STX2: variants seen among roughly 807,000 people sequenced by gnomAD.
STX2 encodes the protein syntaxin 2, also known as syntaxin-2.
Under a neutral mutation model 40.6 loss-of-function variants are expected in STX2, and 27 were observed. That is an observed-to-expected ratio of 0.66 (90% CI 0.49 to 0.92). The LOEUF is 0.92. Among genes scored for constraint, STX2 ranks in the 40% least tolerant of loss-of-function variants. The pLI, the probability that STX2 is intolerant of heterozygous loss-of-function variation, is 0.00. For synonymous variants in STX2, 123 were observed against 119.1 expected (o/e 1.03, Z -0.22); for missense variants, 328 against 366.1 (o/e 0.90, Z 0.85).
intron 2 of STX2, among the ~76,000 whole-genome samples, chr12:130,824,537 A>C (rs1180951780): frequency 6.6e-6 from 1 of 152,226 alleles, no homozygotes; most frequent in Non-Finnish European, 1.5e-5. Flanking sequence ...AGGAGACCGC[A>C]GGGCTATACA....
intron 3 of STX2, among the ~76,000 whole-genome samples, chr12:130,820,490 A>C (rs566361005): frequency 6.6e-6 from 1 of 152,264 alleles, no homozygotes; most frequent in East Asian, 1.9e-4. Flanking sequence ...ATATGGTGAA[A>C]TCCCATGTCT....
intron 9 of STX2, among the ~76,000 whole-genome samples, chr12:130,796,538 G>A (rs184950941): frequency 6.6e-6 from 1 of 152,286 alleles, no homozygotes; most frequent in Admixed American, 6.5e-5. Flanking sequence ...CACTTTAGAA[G>A]CTAAGTTACA....
chr12:130,796,354 C>T (rs1202885202), intron 9 of STX2, among the ~76,000 whole-genome samples: 1 of 152,002 alleles, frequency 6.6e-6, no homozygotes, highest in Non-Finnish European at 1.5e-5. Flanking sequence ...ACCAGCCGGG[C>T]GTGGGTCTGC....
At chr12:130,833,644 C>A (rs1952656090) in intron 1 of STX2, among the ~76,000 whole-genome samples, 1 of 152,144 alleles carries the variant, frequency 6.6e-6, no homozygotes, top group African/African-American at 2.4e-5. Context: ...CTCCTGACCT[C>A]AAGTGATCCT....
chr12:130,791,074 A>G lies in STX2; in HGVS notation c.*949T>C, dbSNP rs959893465. The G allele has an allele frequency of 3.3e-5, 5 of 152,298 alleles. No individual in the cohort carries two copies. The highest frequency in any genetic ancestry group is 5.9e-5 in the Non-Finnish European group (4 of 68,040). 9.4% of individuals were successfully genotyped at this position (152,298 alleles called of 1,614,324 possible). A position where few individuals can be genotyped will look rare whatever the true frequency, so the allele number is the denominator to read the frequency against. On this transcript the variant is annotated 3_prime_UTR_variant, in exon 11 of 11. Coordinates refer to ENST00000392373, the MANE Select transcript of STX2 (RefSeq NM_194356.4). ...GGGTACATTAAGATGCTAATAAATT[A>G]AACAATTTATAAACATTTAAAATTA...
intron 8 of STX2, among the ~76,000 whole-genome samples, chr12:130,800,406 T>C (rs1157150477): frequency 1.3e-5 from 2 of 150,556 alleles, no homozygotes; most frequent in Non-Finnish European, 3.0e-5. Context: ...GCATAAACAA[T>C]CCTCCCACCT....
At chr12:130,803,795 T>C (rs1207728287) in intron 6 of STX2, among the ~76,000 whole-genome samples, 2 of 152,010 alleles carry the variant, frequency 1.3e-5, no homozygotes, top group East Asian at 3.9e-4. Context: ...AAATGCAGTA[T>C]ACATTCGTAA....
At chr12:130,794,221 G>T (rs140246041) in intron 10 of STX2, among the ~76,000 whole-genome samples, 1 of 152,034 alleles carries the variant, frequency 6.6e-6, no homozygotes, top group East Asian at 1.9e-4. Context: ...TAACAATGAA[G>T]AAAAATCACG....
At chr12:130,831,110 GATC>G (rs1324946358) in intron 1 of STX2, among the ~76,000 whole-genome samples, 5 of 152,144 alleles carry the variant, frequency 3.3e-5, no homozygotes, top group African/African-American at 1.2e-4. Context: ...CCATTGGAAC[GATC>G]ATCATTTATA....
chr12:130,832,545 T>A (rs1282582799), intron 1 of STX2, among the ~76,000 whole-genome samples: 2 of 152,090 alleles, frequency 1.3e-5, no homozygotes, highest in Non-Finnish European at 2.9e-5. Context: ...CACATGGACA[T>A]GAGACACTGC....
At chr12:130,816,486 G>C (rs1443396314) in intron 3 of STX2, among the ~76,000 whole-genome samples, 3 of 152,178 alleles carry the variant, frequency 2.0e-5, no homozygotes, top group Non-Finnish European at 2.9e-5. Flanking sequence ...TGCAGACGCA[G>C]GCCATAAGGT....
intron 1 of STX2, among the ~76,000 whole-genome samples, chr12:130,829,149 C>A (rs1418716031): frequency 6.6e-6 from 1 of 152,174 alleles, no homozygotes; most frequent in Non-Finnish European, 1.5e-5. Flanking sequence ...AGAACACATG[C>A]TCAATGGTTA....
intron 3 of STX2, among the ~76,000 whole-genome samples, chr12:130,818,185 A>AAAAAAAATATATATATATAT: frequency 7.9e-4 from 56 of 70,490 alleles, no homozygotes; most frequent in Non-Finnish European, 1.1e-3. Flanking sequence ...AAAAAAAAAA[A>AAAAAAAATATATATATATAT]ATATATATAT....
At chr12:130,827,136 G>C in intron 2 of STX2, 57 bp downstream of exon 2, 2 of 786,134 alleles carry the variant, frequency 2.5e-6, no homozygotes, top group South Asian at 2.8e-5. Flanking sequence ...GAGGGGTGGG[G>C]GGAGGGAGGG....
At chr12:130,831,166 C>G (rs551190212) in intron 1 of STX2, among the ~76,000 whole-genome samples, 10 of 152,326 alleles carry the variant, frequency 6.6e-5, no homozygotes, top group African/African-American at 2.2e-4. Context: ...GAATCCAAAG[C>G]TGGACAGAAT....
Position 130,837,668 on chromosome 12 carries a change from G to A in STX2, c.30+1402C>T, listed in dbSNP as rs571080558. On this transcript the variant is annotated intron_variant, in intron 1 of 10. Coordinates refer to ENST00000392373, the MANE Select transcript of STX2 (RefSeq NM_194356.4). The stretch of plus-strand genomic sequence containing the variant: ...TCTCCAATACCTGGGCTCAAGTGAT[G>A]CCCCCACCCTGATCTCCCAGACTGC... 1.5e-4 allele frequency among the ~76,000 whole-genome samples: 23 copies of A among 152,202 alleles called. No individual in the cohort carries two copies. In the South Asian group the frequency reaches 4.8e-3, roughly 32 times the overall value.
chr12:130,794,258 GA>G (rs137951206), intron 10 of STX2, among the ~76,000 whole-genome samples: 1 of 151,880 alleles, frequency 6.6e-6, no homozygotes, highest in Admixed American at 6.6e-5. Flanking sequence ...AAGCTAAGAA[GA>G]AAAAAATAGA....
chr12:130,812,318 T>C (rs1199682471), intron 4 of STX2: 4 of 449,374 alleles, frequency 8.9e-6, no homozygotes, highest in Non-Finnish European at 1.8e-5. Context: ...ACTGATGAAA[T>C]CTCAGATGCC....
intron 1 of STX2, among the ~76,000 whole-genome samples, chr12:130,828,650 A>G (rs1238513520): frequency 2.0e-5 from 3 of 151,438 alleles, no homozygotes; most frequent in Admixed American, 6.6e-5. Context: ...GTGGATCACG[A>G]GATCAGGAGA....
Sources: gnomAD v4.1 joint callset for allele counts (sites outside exome capture counted in the v4.1 genomes callset) on GRCh38, gnomAD v4.1.1 for gene constraint, MANE v1.5 for transcripts, NCBI Gene and HGNC (gene_info 2026-07-23, HGNC 2026-07-21) for gene names.